The following SETD1B variants were observed in gnomAD, a reference collection of about 807,000 sequenced individuals.
SETD1B encodes the protein SET domain containing 1B, histone lysine methyltransferase.
Under a neutral mutation model 148.0 loss-of-function variants are expected in SETD1B, and 7 were observed. The ratio of observed to expected loss-of-function variants is 0.05; its 90% CI spans 0.03 to 0.09. The LOEUF (loss-of-function observed/expected upper bound fraction) is 0.09, where lower values mean the gene tolerates loss of function less well. Among genes scored for constraint, SETD1B ranks in the 10% least tolerant of loss-of-function variants. SETD1B has a pLI of 1.00. For synonymous variants in SETD1B, 1,361 were observed against 1,186.5 expected (o/e 1.15, Z -3.02); for missense variants, 2,155 against 2,729.9 (o/e 0.79, Z 4.69).
chr12:121,826,935 G>A (rs1876869688), intron 13 of SETD1B, among the ~76,000 whole-genome samples: 1 of 151,928 alleles, frequency 6.6e-6, no homozygotes, highest in Admixed American at 6.6e-5. Context: ...CTTGAGTTCT[G>A]CGGGTTCTGA....
the SETD1B span, among the ~76,000 whole-genome samples, chr12:121,792,170 T>C: frequency 2.8e-5 from 4 of 144,540 alleles, no homozygotes; most frequent in African/African-American, 1.1e-4. Flanking sequence ...TGGAGGTGTC[T>C]GGATTTTGGC....
At chr12:121,821,356 G>A (rs952381493) in intron 11 of SETD1B, among the ~76,000 whole-genome samples, 1 of 151,672 alleles carries the variant, frequency 6.6e-6, no homozygotes, top group Non-Finnish European at 1.5e-5. Flanking sequence ...AGAATTGCTT[G>A]AACCCGGGTG....
Position 121,823,437 on chromosome 12 carries a change from C to G in SETD1B, c.4858C>G (p.Pro1620Ala). 4 of 1,549,134 alleles carry G rather than the reference C, an allele frequency of 2.6e-6. No individual in the cohort carries two copies. Among genetic ancestry groups the G allele is most frequent in the Non-Finnish European group, 3.5e-6 (4 of 1,146,780 alleles). The change falls in exon 12 of 17, where the codon CCG (proline) becomes GCG (alanine). Residue 1620 changes from proline to alanine, a missense_variant. By Grantham distance (27) the Pro-to-Ala change is conservative (BLOSUM62 -1). Around this residue, in one of 11 missense-constraint regions of SETD1B, gnomAD observed 862 missense variants for 873.8 expected, o/e 0.99. Transcript: ENST00000604567. ...DNQWPSEAIP[P>A]GPRGRDEVTE... The stretch of plus-strand genomic sequence containing the variant: ...CCAGTGGCCCTCCGAGGCCATTCCT[C>G]CGGGCCCCCGTGGGCGCGATGAGGT...
chr12:121,823,754 C>A lies in SETD1B; in HGVS notation c.5170+5C>A. The A allele has an allele frequency of 6.5e-7, 1 of 1,541,250 alleles. No individual in the cohort carries two copies. Among genetic ancestry groups the A allele is most frequent in the South Asian group, 1.2e-5 (1 of 83,604 alleles). ...CGCTCTGGGTCTACCATCCCTATAT[C>A]CTGCTGGCATGGGGGGCTCTGCACC... On this transcript the variant is annotated splice_donor_5th_base_variant and intron_variant, in intron 12 of 16. Coordinates refer to ENST00000604567, the MANE Select transcript of SETD1B (RefSeq NM_001353345.2).
intron 7 of SETD1B, among the ~76,000 whole-genome samples, chr12:121,815,823 C>CTTTTTTT (rs994063316): frequency 2.5e-5 from 3 of 118,154 alleles, no homozygotes; most frequent in African/African-American, 3.3e-5. Context: ...TCTTTTCTTT[C>CTTTTTTT]TTTTTTTTTT....
At chr12:121,820,295 C>T (rs1876507153) in intron 11 of SETD1B, among the ~76,000 whole-genome samples, 1 of 152,278 alleles carries the variant, frequency 6.6e-6, no homozygotes, top group South Asian at 2.1e-4. Context: ...CCTCCGGCAT[C>T]GTGATGCTGC....
At chr12:121,819,958 T>A in intron 11 of SETD1B, 63 bp downstream of exon 11, 2 of 1,396,136 alleles carry the variant, frequency 1.4e-6, no homozygotes, top group Non-Finnish European at 1.9e-6. Context: ...ACTGTCAGAA[T>A]CAGCCCGGGC....
At chr12:121,803,857 T>TG (rs1395218003), upstream of SETD1B, 1 of 147,044 alleles carries the variant, frequency 6.8e-6, no homozygotes, top group East Asian at 2.1e-4. This position sits in a 1 kb window ranked among gnomAD's most constrained non-coding sequence, Gnocchi z 4.7. Flanking sequence ...GAGTGAGGGG[T>TG]GGGGGGCCGC....
chr12:121,825,859 TG>T lies in SETD1B; in HGVS notation c.5337+495del, dbSNP rs370515528. ...TGGGGTTTTGCCATGTTGGCCAGGT[TG>T]GTCTCGAACTCCTGACCTCAAGTAA... On this transcript the variant is annotated intron_variant, in intron 13 of 16. Transcript: ENST00000604567. Among the ~76,000 whole-genome samples the T allele has an allele frequency of 2.0e-3, 306 of 152,270 alleles. 1 individual carries two copies. The highest frequency in any genetic ancestry group is 0.014 in the South Asian group (69 of 4,830).
intron 10 of SETD1B, among the ~76,000 whole-genome samples, chr12:121,818,421 G>A (rs1876402495): frequency 6.6e-6 from 1 of 151,880 alleles, no homozygotes; most frequent in African/African-American, 2.4e-5. Flanking sequence ...AAAATAGCCA[G>A]GCGTGGTGGT....
chr12:121,824,605 C>G (rs1876749769), intron 12 of SETD1B, among the ~76,000 whole-genome samples: 1 of 152,054 alleles, frequency 6.6e-6, no homozygotes, highest in Admixed American at 6.6e-5. Context: ...CAAGATCGCA[C>G]CACTGCACTC....
chr12:121,793,686 G>C, the SETD1B span: 1 of 1,441,824 alleles, frequency 6.9e-7, no homozygotes, highest in South Asian at 1.4e-5. Context: ...GCGGAGCCAA[G>C]AGGTCGGGGG....
intron 13 of SETD1B, among the ~76,000 whole-genome samples, chr12:121,826,263 G>A (rs887536121): frequency 8.4e-6 from 1 of 119,046 alleles, no homozygotes; most frequent in African/African-American, 2.5e-5. Flanking sequence ...GAAGAAAGAA[G>A]CACGTAATTC....
chr12:121,802,835 TCAAAGGAAAAACATTCCCCATTTGCAA>T (rs781371072), upstream of SETD1B: 18 of 152,066 alleles, frequency 1.2e-4, no homozygotes, highest in Non-Finnish European at 2.5e-4. Flanking sequence ...GATGGTAGAG[TCAAAGGAAAAACATTCCCCATTTGCAA>T]CAAAGGAAAA....
chr12:121,809,943 C>T lies in SETD1B; in HGVS notation c.998C>T (p.Ser333Phe). Residue 333 changes from serine to phenylalanine, a missense_variant, in exon 6 of 17, where the codon TCT (serine) becomes TTT (phenylalanine). Around this residue, in one of 11 missense-constraint regions of SETD1B, gnomAD observed 376 missense variants for 385.0 expected, o/e 0.98. Coordinates refer to ENST00000604567, the MANE Select transcript of SETD1B (RefSeq NM_001353345.2). ...RRHEHHYVHN[S>F]PAVTAVAGAT... ...CACGAACATCATTATGTACACAATTCTCCCGCGGTCACTGCGGTGGCCGGG... is the reference window on the plus strand; with the variant it reads ...CACGAACATCATTATGTACACAATTTTCCCGCGGTCACTGCGGTGGCCGGG... 1 of 1,551,232 alleles carries T rather than the reference C, an allele frequency of 6.4e-7. No homozygotes were observed. Among genetic ancestry groups the T allele is most frequent in the Non-Finnish European group, 8.7e-7 (1 of 1,146,976 alleles).
chr12:121,793,163 TAG>T, the SETD1B span: 5 of 1,550,326 alleles, frequency 3.2e-6, no homozygotes, highest in South Asian at 5.9e-5. Flanking sequence ...GGCCGTGTCG[TAG>T]AGGTTCAGGG....
Position 121,823,050 on chromosome 12 carries a change from C to T in SETD1B, c.4471C>T (p.Arg1491Trp), listed in dbSNP as rs1195489567. 1.3e-6 allele frequency: 2 copies of T among 1,515,930 alleles called. No individual in the cohort carries two copies. Among genetic ancestry groups the T allele is most frequent in the South Asian group, 1.2e-5 (1 of 81,840 alleles). The allele number at this position is 1,515,930 out of a possible 1,614,324, so 93.9% of individuals were successfully genotyped here. ...PLPLALPAVLRAQARAPTPLP... is the reference protein window; with the variant it reads ...PLPLALPAVLWAQARAPTPLP... ...GCCCTTGGCATTGCCCGCCGTCTTG[C>T]GGGCCCAGGCTCGTGCGCCCACCCC... The change falls in exon 12 of 17, where the codon CGG becomes TGG. Residue 1491 changes from arginine to tryptophan, a missense_variant. By Grantham distance (101) the Arg-to-Trp change is moderately radical (BLOSUM62 -3). Coordinates refer to ENST00000604567, the MANE Select transcript of SETD1B (RefSeq NM_001353345.2).
the SETD1B span, chr12:121,793,530 A>AGCGAGGTCTTGCCGCAGCCGCC: frequency 6.5e-7 from 1 of 1,544,472 alleles, no homozygotes; most frequent in Non-Finnish European, 8.7e-7. Context: ...CACCATGAGC[A>AGCGAGGTCTTGCCGCAGCCGCC]GCGAGGTCTT....
chr12:121,829,184 G>A (rs1300183401), intron 16 of SETD1B, among the ~76,000 whole-genome samples: 4 of 152,166 alleles, frequency 2.6e-5, no homozygotes, highest in Non-Finnish European at 4.4e-5. Flanking sequence ...TGGAGCCATC[G>A]GGCAACAGGT....
Sources: gnomAD v4.1 joint callset for allele counts (sites outside exome capture counted in the v4.1 genomes callset) on GRCh38, gnomAD v4.1.1 for gene constraint, gnomAD v4.1.1 regional missense constraint, Gnocchi (gnomAD v3.1) non-coding constraint, MANE v1.5 for transcripts, NCBI Gene and HGNC (gene_info 2026-07-23, HGNC 2026-07-21) for gene names.